Variants in PRELID2 observed in about 807,000 individuals in gnomAD.
The protein encoded by PRELID2 is PRELI domain containing 2, also known as PRELI domain-containing protein 2.
A neutral mutation model predicts 28.4 loss-of-function variants in PRELID2; 25 were observed. The ratio of observed to expected loss-of-function variants is 0.88; its 90% CI spans 0.64 to 1.23. The LOEUF is 1.23. Ranked by LOEUF, PRELID2 falls within the 50% of genes most tolerant of loss-of-function variation. The pLI is 0.00. For missense variants in PRELID2, 201 were observed against 214.4 expected, an observed-to-expected ratio of 0.94 and a Z score of 0.39; for synonymous variants, 76 against 71.6, an observed-to-expected ratio of 1.06 and a Z score of -0.31.
the PRELID2 span, among the ~76,000 whole-genome samples, chr5:145,295,982 T>C: frequency 1.3e-5 from 2 of 152,050 alleles, no homozygotes; most frequent in African/African-American, 4.8e-5. Context: ...AGAATAAATC[T>C]TGGTGCAAAG....
chr5:145,827,778 A>G (rs1755291362), intron 1 of PRELID2, among the ~76,000 whole-genome samples: 2 of 152,232 alleles, frequency 1.3e-5, no homozygotes, highest in Admixed American at 1.3e-4. Context: ...CCGGAAATGC[A>G]AGGAAAGACT....
the PRELID2 span, among the ~76,000 whole-genome samples, chr5:145,406,840 C>T: frequency 1.3e-5 from 2 of 152,164 alleles, no homozygotes; most frequent in Admixed American, 6.5e-5. Flanking sequence ...AAGATTTAAC[C>T]TTACCTAGAG....
At chr5:145,692,809 A>G (rs377178556) in intron 1 of PRELID2, among the ~76,000 whole-genome samples, 22 of 152,322 alleles carry the variant, frequency 1.4e-4, no homozygotes, top group African/African-American at 5.1e-4. Context: ...TGTTAAGTAT[A>G]CAGATTTGCT....
chr5:145,337,930 T>C, the PRELID2 span: 3 of 151,848 alleles, frequency 2.0e-5, no homozygotes. Context: ...CAAATCAAAA[T>C]ATTATATTAC....
At chr5:145,355,306 G>A in the PRELID2 span, among the ~76,000 whole-genome samples, 1 of 152,074 alleles carries the variant, frequency 6.6e-6, no homozygotes. Context: ...ACATATTACA[G>A]TAAGCTCATG....
chr5:145,657,660 G>C (rs1279799205), intron 1 of PRELID2, among the ~76,000 whole-genome samples: 6 of 152,076 alleles, frequency 3.9e-5, no homozygotes, highest in African/African-American at 9.7e-5. Flanking sequence ...ACTCCAGCCT[G>C]GGCAACAGAG....
chr5:145,572,146 T>A (rs1254944831), intron 1 of PRELID2, among the ~76,000 whole-genome samples: 1 of 152,212 alleles, frequency 6.6e-6, no homozygotes, highest in Non-Finnish European at 1.5e-5. Context: ...TTAGATAAAT[T>A]GGTTGAAAAA....
At chr5:145,425,529 A>G in the PRELID2 span, among the ~76,000 whole-genome samples, 1 of 152,224 alleles carries the variant, frequency 6.6e-6, no homozygotes, top group Admixed American at 6.5e-5. Flanking sequence ...TGATAGACTG[A>G]ATACACAAAG....
the PRELID2 span, among the ~76,000 whole-genome samples, chr5:145,257,936 C>A: frequency 6.6e-6 from 1 of 152,138 alleles, no homozygotes; most frequent in Non-Finnish European, 1.5e-5. Flanking sequence ...GCATCATTCT[C>A]TTGGTACTGC....
chr5:145,604,902 T>TATATATATATATATATATATATA (rs1413599025), intron 1 of PRELID2, among the ~76,000 whole-genome samples: 2 of 143,452 alleles, frequency 1.4e-5, no homozygotes, highest in Non-Finnish European at 3.0e-5. Context: ...TATATATATA[T>TATATATATATATATATATATATA]ATTCTATTGA....
the PRELID2 span, among the ~76,000 whole-genome samples, chr5:145,457,537 A>G: frequency 6.6e-6 from 1 of 152,176 alleles, no homozygotes; most frequent in African/African-American, 2.4e-5. Context: ...CGGTGAGGAC[A>G]GATAAGAGCT....
intron 1 of PRELID2, among the ~76,000 whole-genome samples, chr5:145,617,878 C>T (rs916397436): frequency 2.8e-4 from 42 of 152,064 alleles, no homozygotes; most frequent in African/African-American, 1.0e-3. Context: ...GGATTACAGG[C>T]ATGCACCACC....
At chr5:145,685,318 C>T (rs1484539335) in intron 1 of PRELID2, among the ~76,000 whole-genome samples, 2 of 152,188 alleles carry the variant, frequency 1.3e-5, no homozygotes, top group Non-Finnish European at 1.5e-5. Context: ...TTCCATAAGG[C>T]ATACTGAACA....
At chr5:145,531,044 C>A (rs922100508) in intron 1 of PRELID2, among the ~76,000 whole-genome samples, 1 of 152,086 alleles carries the variant, frequency 6.6e-6, no homozygotes, top group Non-Finnish European at 1.5e-5. Context: ...AAAAGTGAAG[C>A]CTTGGGCTTT....
chr5:145,585,822 C>T (rs10074645), intron 1 of PRELID2, among the ~76,000 whole-genome samples: 27,438 of 151,976 alleles, frequency 0.18, 4,169 homozygotes, highest in African/African-American at 0.41. Flanking sequence ...GGGGTGTCAG[C>T]CTGGGGGCCA....
chr5:145,607,643 A>C (rs1265688856), intron 1 of PRELID2, among the ~76,000 whole-genome samples: 2 of 151,912 alleles, frequency 1.3e-5, no homozygotes, highest in Non-Finnish European at 2.9e-5. Context: ...GATTTTGCTG[A>C]GGGTTGTTTT....
At chr5:145,575,811 C>T (rs766437907) in intron 1 of PRELID2, among the ~76,000 whole-genome samples, 7 of 152,072 alleles carry the variant, frequency 4.6e-5, no homozygotes, top group South Asian at 2.1e-4. Context: ...CAGAGACTGC[C>T]GGCAGTAATT....
chr5:145,264,561 C>A, the PRELID2 span, among the ~76,000 whole-genome samples: 1 of 152,056 alleles, frequency 6.6e-6, no homozygotes, highest in African/African-American at 2.4e-5. Flanking sequence ...AAGTTGAAAG[C>A]AACCCCCCAG....
At chr5:145,658,588 CCTCTCTCTCACTCT>C (rs1277416612) in intron 1 of PRELID2, among the ~76,000 whole-genome samples, 1 of 151,982 alleles carries the variant, frequency 6.6e-6, no homozygotes, top group Non-Finnish European at 1.5e-5. Context: ...GAATCTGGGA[CCTCTCTCTCACTCT>C]CTCTCTCTAG....
Sources: gnomAD v4.1 joint callset for allele counts (sites outside exome capture counted in the v4.1 genomes callset) on GRCh38, gnomAD v4.1.1 for gene constraint, MANE v1.5 for transcripts, NCBI Gene and HGNC (gene_info 2026-07-23, HGNC 2026-07-21) for gene names.